CYP2C19: variants seen among roughly 807,000 people sequenced by gnomAD.
CYP2C19 encodes the protein cytochrome P450 family 2 subfamily C member 19.
A neutral mutation model predicts 40.9 loss-of-function variants in CYP2C19; 59 were observed. The observed-to-expected ratio is 1.44, with a 90% CI of 1.17 to 1.79. The LOEUF (loss-of-function observed/expected upper bound fraction) is 1.79. CYP2C19 is among the 40% of genes most tolerant of loss of function. The pLI is 0.00. For synonymous variants in CYP2C19, 253 were observed against 208.7 expected (o/e 1.21, Z -1.83); for missense variants, 754 against 596.9 (o/e 1.26, Z -2.74).
intron 3 of CYP2C19, among the ~76,000 whole-genome samples, chr10:94,777,696 A>G (rs1236490454): frequency 1.3e-5 from 2 of 152,116 alleles, no homozygotes; most frequent in African/African-American, 2.4e-5. Flanking sequence ...AACTATAAAA[A>G]CCCTAGAGAA....
chr10:94,797,352 G>A lies in CYP2C19; in HGVS notation c.819+15355G>A, dbSNP rs577329846. 9.0e-3 allele frequency among the ~76,000 whole-genome samples: 1,363 copies of A among 152,114 alleles called. 17 individuals carry two copies. Among genetic ancestry groups the A allele is most frequent in the African/African-American group, 0.03 (1,234 of 41,520 alleles). On this transcript the variant is annotated intron_variant, in intron 5 of 8. Transcript: ENST00000371321. ...TCCCAGGGATGAAGCCAACTTGATT[G>A]TGGTGGATAAGCTTTTTGATGTGCT... is the stretch of plus-strand genomic sequence containing the variant.
chr10:94,786,425 G>T (rs747570742), intron 5 of CYP2C19, among the ~76,000 whole-genome samples: 1 of 151,966 alleles, frequency 6.6e-6, no homozygotes, highest in Admixed American at 6.6e-5. Flanking sequence ...TCTTTTGCAA[G>T]GGTCTGGTTT....
intron 1 of CYP2C19, among the ~76,000 whole-genome samples, chr10:94,763,630 A>C (rs888907582): frequency 4.6e-5 from 7 of 152,080 alleles, no homozygotes; most frequent in Admixed American, 6.5e-5. Context: ...TGGTATGATC[A>C]GATCAAGAGA....
intron 5 of CYP2C19, among the ~76,000 whole-genome samples, chr10:94,816,092 AT>A (rs34737722): frequency 0.2 from 30,544 of 151,644 alleles, 3,263 homozygotes; most frequent in Middle Eastern, 0.23. Flanking sequence ...CTGCTTATAT[AT>A]TTTTTTTGCC....
chr10:94,788,510 T>G (rs1564665229), intron 5 of CYP2C19, among the ~76,000 whole-genome samples: 1 of 151,868 alleles, frequency 6.6e-6, no homozygotes, highest in Non-Finnish European at 1.5e-5. Flanking sequence ...TCCTGTCACC[T>G]ACATGAGGTA....
intron 5 of CYP2C19, among the ~76,000 whole-genome samples, chr10:94,819,146 A>T (rs965381607): frequency 1.3e-5 from 2 of 150,306 alleles, no homozygotes; most frequent in African/African-American, 4.9e-5. Context: ...ACTACTGGGT[A>T]TATAACGAAA....
At chr10:94,772,961 T>G (rs1210627321) in intron 1 of CYP2C19, among the ~76,000 whole-genome samples, 2 of 152,118 alleles carry the variant, frequency 1.3e-5, no homozygotes, top group African/African-American at 4.8e-5. Flanking sequence ...TTTTGTATTT[T>G]TAGTAGAGAC....
chr10:94,845,841 C>T (rs1290829113), intron 7 of CYP2C19, among the ~76,000 whole-genome samples: 1 of 151,878 alleles, frequency 6.6e-6, no homozygotes, highest in Non-Finnish European at 1.5e-5. Context: ...TAGAATTTTT[C>T]ATCACCTTTG....
chr10:94,826,208 G>T (rs1169833184), intron 6 of CYP2C19, among the ~76,000 whole-genome samples: 5 of 152,016 alleles, frequency 3.3e-5, no homozygotes, highest in African/African-American at 1.2e-4. Context: ...GTCATTGGTA[G>T]CTTGATGGGG....
At position 94,855,252 on chromosome 10, in the gene CYP2C19, A is replaced by T. The variant is rs565048356; in HGVS notation, c.*2338A>T. Among the ~76,000 whole-genome samples, 1 of 152,282 alleles carries T rather than the reference A, an allele frequency of 6.6e-6. No homozygotes were observed. The highest frequency in any genetic ancestry group is 2.4e-5 in the African/African-American group (1 of 41,560). ...GTCCAGACATTATTTAGCCTACCATACTATTATTATACCCATTTGAACAAC... is the reference window on the plus strand; with the variant it reads ...GTCCAGACATTATTTAGCCTACCATTCTATTATTATACCCATTTGAACAAC... On this transcript the variant is annotated 3_prime_UTR_variant, in exon 9 of 9. Coordinates refer to ENST00000371321, the MANE Select transcript of CYP2C19 (RefSeq NM_000769.4).
At chr10:94,849,361 TAAG>T (rs1216057129) in intron 7 of CYP2C19, among the ~76,000 whole-genome samples, 4 of 151,798 alleles carry the variant, frequency 2.6e-5, no homozygotes, top group Admixed American at 2.6e-4. Context: ...CAGATTTTAT[TAAG>T]AAGAAGAAAC....
intron 5 of CYP2C19, among the ~76,000 whole-genome samples, chr10:94,791,346 G>T (rs948588985): frequency 6.6e-6 from 1 of 151,896 alleles, no homozygotes; most frequent in Non-Finnish European, 1.5e-5. Context: ...TTTTTGAAGG[G>T]TTTTCTGTGT....
chr10:94,809,766 T>G lies in CYP2C19; in HGVS notation c.820-10730T>G, dbSNP rs550202917. Among the ~76,000 whole-genome samples, 3 of 152,320 alleles carry G rather than the reference T, an allele frequency of 2.0e-5. No individual in the cohort carries two copies. In the East Asian group the frequency reaches 5.8e-4, roughly 29 times the overall value. ...CAAAATCTAGTTTATTGAGAGTTTT[T>G]AGCATGAAGGGGAGTTGAATTTTGT... is the stretch of plus-strand genomic sequence containing the variant. On this transcript the variant is annotated intron_variant, in intron 5 of 8. Coordinates refer to ENST00000371321, the MANE Select transcript of CYP2C19 (RefSeq NM_000769.4).
chr10:94,800,446 G>A (rs186512847), intron 5 of CYP2C19, among the ~76,000 whole-genome samples: 1 of 152,320 alleles, frequency 6.6e-6, no homozygotes, highest in African/African-American at 2.4e-5. Flanking sequence ...GGCCCCTACT[G>A]GGAGTTGTCT....
chr10:94,784,235 CT>C (rs55734964), intron 5 of CYP2C19, among the ~76,000 whole-genome samples: 1 of 152,088 alleles, frequency 6.6e-6, no homozygotes, highest in African/African-American at 2.4e-5. Flanking sequence ...GTACTTCATT[CT>C]TTTTGTGGAT....
intron 6 of CYP2C19, among the ~76,000 whole-genome samples, chr10:94,834,933 G>A (rs11188091): frequency 0.45 from 67,950 of 152,004 alleles, 16,737 homozygotes; most frequent in Admixed American, 0.6. Flanking sequence ...CTGTTGGGGA[G>A]GTTGGCCGAC....
In CYP2C19 at chr10:94,839,338, CT is replaced by C. The variant is rs560980281; in HGVS notation, c.962-3498del. Among the ~76,000 whole-genome samples, 971 of 152,238 alleles carry C rather than the reference CT, an allele frequency of 6.4e-3. 6 individuals carry two copies. The highest frequency in any genetic ancestry group is 9.9e-3 in the Non-Finnish European group (675 of 68,016). On this transcript the variant is annotated intron_variant, in intron 6 of 8. Coordinates refer to ENST00000371321, the MANE Select transcript of CYP2C19 (RefSeq NM_000769.4). Reference sequence around the variant, plus strand: ...AGGCTGTATAACCACCCATGGACCTCTGCTAATCGGATTACTTATGCTTACC... The same window carrying C: ...AGGCTGTATAACCACCCATGGACCTCGCTAATCGGATTACTTATGCTTACC...
In CYP2C19 at chr10:94,843,166, C is replaced by G; in HGVS notation, c.1149+142C>G. The G allele has an allele frequency of 7.9e-6, 8 of 1,013,744 alleles. No homozygotes were observed. In the South Asian group the frequency reaches 1.2e-4, roughly 15 times the overall value. 62.8% of individuals were successfully genotyped at this position (1,013,744 alleles called of 1,614,324 possible). A position where few individuals can be genotyped will look rare whatever the true frequency, so the allele number is the denominator to read the frequency against. Reference sequence around the variant, plus strand: ...AGTTTAATTGGACTTTCTGTTGATTCCAGTTTGGGACTATAAAGATTTGTA... The same window carrying G: ...AGTTTAATTGGACTTTCTGTTGATTGCAGTTTGGGACTATAAAGATTTGTA... On this transcript the variant is annotated intron_variant, in intron 7 of 8. Coordinates refer to ENST00000371321, the MANE Select transcript of CYP2C19 (RefSeq NM_000769.4).
intron 5 of CYP2C19, 39 bp downstream of exon 5, chr10:94,782,036 C>A: frequency 4.1e-6 from 6 of 1,479,858 alleles, no homozygotes; most frequent in Non-Finnish European, 5.4e-6. Context: ...TGACTGCTTG[C>A]GTATTTGTGA....
Sources: gnomAD v4.1 joint callset for allele counts (sites outside exome capture counted in the v4.1 genomes callset) on GRCh38, gnomAD v4.1.1 for gene constraint, MANE v1.5 for transcripts, NCBI Gene and HGNC (gene_info 2026-07-23, HGNC 2026-07-21) for gene names.